RAB11FIP4: variants seen among roughly 807,000 people sequenced by gnomAD.
RAB11FIP4 encodes the protein rab11 family-interacting protein 4.
A neutral mutation model predicts 74.3 loss-of-function variants in RAB11FIP4; 23 were observed. The ratio of observed to expected loss-of-function variants is 0.31; its 90% CI spans 0.22 to 0.44. RAB11FIP4 has a LOEUF of 0.44. Among genes scored for constraint, RAB11FIP4 ranks in the 20% least tolerant of loss-of-function variants. RAB11FIP4 has a pLI of 1.00. For synonymous variants in RAB11FIP4, 360 were observed against 359.9 expected, an observed-to-expected ratio of 1.00 and a Z score of 0.00; for missense variants, 630 against 863.9, an observed-to-expected ratio of 0.73 and a Z score of 3.39.
intron 1 of RAB11FIP4, among the ~76,000 whole-genome samples, chr17:31,422,046 A>G (rs999295862): frequency 6.6e-6 from 1 of 151,912 alleles, no homozygotes; most frequent in African/African-American, 2.4e-5. Context: ...GTGTTGACAT[A>G]TCCCTGTAGT....
intron 3 of RAB11FIP4, among the ~76,000 whole-genome samples, chr17:31,436,888 T>C (rs993904995): frequency 6.6e-5 from 10 of 151,702 alleles, no homozygotes; most frequent in African/African-American, 2.2e-4. Context: ...CCCGGGTTCA[T>C]GCCATTCTCC....
At position 31,532,232 on chromosome 17, in the gene RAB11FIP4, G is replaced by C. The variant is rs1231656290; in HGVS notation, c.*500G>C. ...CGCCAGCTCTTTGGCCACCTTTCAAGCCCCAGTGTTCAAGCTCAGAGAGGA... is the reference window on the plus strand; with the variant it reads ...CGCCAGCTCTTTGGCCACCTTTCAACCCCCAGTGTTCAAGCTCAGAGAGGA... On this transcript the variant is annotated 3_prime_UTR_variant, in exon 15 of 15. Transcript: ENST00000621161. 2 of 156,480 alleles carry C rather than the reference G, an allele frequency of 1.3e-5. No individual in the cohort carries two copies. Among genetic ancestry groups the C allele is most frequent in the African/African-American group, 4.8e-5 (2 of 41,450 alleles). 9.7% of individuals were successfully genotyped at this position (156,480 alleles called of 1,614,324 possible). A position where few individuals can be genotyped will look rare whatever the true frequency, so the allele number is the denominator to read the frequency against.
rs145716897 is a variant in RAB11FIP4 at position 31,509,645 on chromosome 17, G to A, written c.337-8006G>A. 1.9e-3 allele frequency among the ~76,000 whole-genome samples: 286 copies of A among 152,326 alleles called. 1 individual carries two copies. The Middle Eastern group carries it at 0.037, about 20-fold the overall frequency. On this transcript the variant is annotated intron_variant, in intron 3 of 14. Coordinates refer to ENST00000621161, the MANE Select transcript of RAB11FIP4 (RefSeq NM_032932.6). ...CTCTGAGCCACTCTGGGGATGGAAC[G>A]TAGCAGTGCAGCATTTCTTCCTGAT...
chr17:31,515,565 TCCAGGCCTGTCGCTGAGCAGCTTCTTCA>T, intron 3 of RAB11FIP4, among the ~76,000 whole-genome samples: 1 of 152,044 alleles, frequency 6.6e-6, no homozygotes, highest in African/African-American at 2.4e-5. Context: ...GGCAGGCACA[TCCAGGCCTGTCGCTGAGCAGCTTCTTCA>T]GCTGTCTGAG....
chr17:31,398,112 C>T (rs952559850), intron 1 of RAB11FIP4, among the ~76,000 whole-genome samples: 2 of 151,970 alleles, frequency 1.3e-5, no homozygotes, highest in African/African-American at 4.8e-5. Context: ...TGCAGTGGCT[C>T]GTTGCAACCT....
intron 3 of RAB11FIP4, among the ~76,000 whole-genome samples, chr17:31,508,494 G>C (rs751744897): frequency 1.3e-5 from 2 of 152,196 alleles, no homozygotes; most frequent in Admixed American, 1.3e-4. Flanking sequence ...TGGACACAGG[G>C]GCCAAGGGCT....
intron 3 of RAB11FIP4, among the ~76,000 whole-genome samples, chr17:31,515,843 C>T (rs2072536217): frequency 6.6e-6 from 1 of 152,160 alleles, no homozygotes; most frequent in African/African-American, 2.4e-5. Context: ...GGTCTAGGGC[C>T]AACTCTGAAC....
At chr17:31,447,366 G>A (rs2071477422) in intron 3 of RAB11FIP4, among the ~76,000 whole-genome samples, 2 of 152,222 alleles carry the variant, frequency 1.3e-5, no homozygotes, top group African/African-American at 4.8e-5. Context: ...TTGGGAGGCT[G>A]AGGCAGGAGG....
At chr17:31,396,589 G>A (rs985730790) in intron 1 of RAB11FIP4, among the ~76,000 whole-genome samples, 2 of 152,180 alleles carry the variant, frequency 1.3e-5, no homozygotes, top group African/African-American at 4.8e-5. Context: ...GTTCTAGGCT[G>A]GAGATTTGCT....
Position 31,509,727 on chromosome 17 carries a change from C to T in RAB11FIP4, c.337-7924C>T, listed in dbSNP as rs114944114. On this transcript the variant is annotated intron_variant, in intron 3 of 14. Transcript: ENST00000621161. ...GATCTCACAGTATGTGGTCAGTCCC[C>T]GGGGCTGGCTGAGGTGTGGGATGAT... 4.3e-3 allele frequency among the ~76,000 whole-genome samples: 656 copies of T among 152,258 alleles called. 3 individuals are homozygous for T. The highest frequency in any genetic ancestry group is 0.015 in the African/African-American group (631 of 41,530).
At chr17:31,504,132 C>CTTT (rs1380330116) in intron 3 of RAB11FIP4, among the ~76,000 whole-genome samples, 8 of 136,282 alleles carry the variant, frequency 5.9e-5, no homozygotes, top group African/African-American at 2.1e-4. Context: ...ACTACTACTT[C>CTTT]TTTTTTTTTT....
chr17:31,396,379 T>C (rs1329379678), intron 1 of RAB11FIP4, among the ~76,000 whole-genome samples: 1 of 152,078 alleles, frequency 6.6e-6, no homozygotes, highest in Non-Finnish European at 1.5e-5. Context: ...CTAACCTCTT[T>C]AGGCCTCTAT....
At chr17:31,437,802 G>A (rs950761503) in intron 3 of RAB11FIP4, among the ~76,000 whole-genome samples, 1 of 152,076 alleles carries the variant, frequency 6.6e-6, no homozygotes, top group Non-Finnish European at 1.5e-5. Flanking sequence ...CCCAGGCCCC[G>A]AGAAGCCTCT....
At chr17:31,412,195 A>G (rs2071103730) in intron 1 of RAB11FIP4, among the ~76,000 whole-genome samples, 1 of 152,198 alleles carries the variant, frequency 6.6e-6, no homozygotes, top group Non-Finnish European at 1.5e-5. Flanking sequence ...GACTGCGCAC[A>G]CCACCACCCT....
intron 3 of RAB11FIP4, among the ~76,000 whole-genome samples, chr17:31,505,665 ATAATACATAATTAT>A (rs2072332585): frequency 1.3e-5 from 1 of 77,934 alleles, no homozygotes; most frequent in Non-Finnish European, 2.9e-5. Context: ...TAATAATTAT[ATAATACATAATTAT>A]TATAATATAT....
At chr17:31,404,926 G>A (rs779446591) in intron 1 of RAB11FIP4, among the ~76,000 whole-genome samples, 5 of 152,132 alleles carry the variant, frequency 3.3e-5, no homozygotes, top group Admixed American at 6.5e-5. Flanking sequence ...GTATGCCAAA[G>A]GTGAGACCTA....
chr17:31,530,821 C>T (rs2072858486), intron 14 of RAB11FIP4, among the ~76,000 whole-genome samples: 1 of 152,178 alleles, frequency 6.6e-6, no homozygotes, highest in Admixed American at 6.5e-5. Context: ...AGGACATTAG[C>T]ATTTCCCCAG....
intron 2 of RAB11FIP4, 150 bp downstream of exon 2, chr17:31,432,050 G>C: frequency 1.6e-6 from 1 of 626,342 alleles, no homozygotes; most frequent in Non-Finnish European, 2.8e-6. Context: ...CTGGCTTCCG[G>C]GGGGGCCAGA....
At chr17:31,508,034 C>T (rs1272832381) in intron 3 of RAB11FIP4, among the ~76,000 whole-genome samples, 1 of 152,078 alleles carries the variant, frequency 6.6e-6, no homozygotes, top group Non-Finnish European at 1.5e-5. Context: ...CACCATGTTT[C>T]CTATGCTAGT....
Sources: gnomAD v4.1 joint callset for allele counts (sites outside exome capture counted in the v4.1 genomes callset) on GRCh38, gnomAD v4.1.1 for gene constraint, MANE v1.5 for transcripts, NCBI Gene and HGNC (gene_info 2026-07-23, HGNC 2026-07-21) for gene names.